RGS6: variants seen among roughly 807,000 people sequenced by gnomAD.
The protein encoded by RGS6 is regulator of G protein signaling 6, also known as regulator of G-protein signaling 6.
RGS6 carries 30 observed loss-of-function variants against 78.5 expected under a neutral mutation model. The observed-to-expected ratio is 0.38, with a 90% CI of 0.29 to 0.52. The LOEUF is 0.52. Ranked by LOEUF, RGS6 falls within the 20% of genes least tolerant of loss-of-function variation. The probability of loss-of-function intolerance (pLI) is 0.85; values close to 1 mark genes in which losing one functional copy is unlikely to be tolerated. For missense variants in RGS6, 495 were observed against 609.7 expected, an observed-to-expected ratio of 0.81 and a Z score of 1.98; for synonymous variants, 206 against 206.0, an observed-to-expected ratio of 1.00 and a Z score of 0.00.
At chr14:71,902,073 GAGAAAAAACCT>G in the RGS6 span, among the ~76,000 whole-genome samples, 345 of 61,252 alleles carry the variant, frequency 5.6e-3, 12 homozygotes, top group East Asian at 0.083. Flanking sequence ...ACATTCTGAG[GAGAAAAAACCT>G]GGAGAAAGAA....
the RGS6 span, among the ~76,000 whole-genome samples, chr14:71,912,063 C>T: frequency 6.6e-6 from 1 of 152,156 alleles, no homozygotes; most frequent in East Asian, 1.9e-4. Context: ...CGTAAGCAGC[C>T]TCTGTAAACC....
chr14:72,183,710 CAG>C (rs745474590), intron 2 of RGS6, among the ~76,000 whole-genome samples: 4 of 152,074 alleles, frequency 2.6e-5, no homozygotes, highest in Non-Finnish European at 5.9e-5. Context: ...AGTTTAAAAA[CAG>C]AGAAGAAGAA....
At chr14:72,142,506 A>G (rs1233665392) in intron 2 of RGS6, among the ~76,000 whole-genome samples, 1 of 152,166 alleles carries the variant, frequency 6.6e-6, no homozygotes, top group Admixed American at 6.5e-5. Context: ...GGGCCCTGAG[A>G]TCATTTGCAT....
chr14:71,995,225 A>G (rs113702832), intron 2 of RGS6, among the ~76,000 whole-genome samples: 118 of 152,162 alleles, frequency 7.8e-4, no homozygotes, highest in East Asian at 4.6e-3. Flanking sequence ...CTCATCCCCA[A>G]TTGAAAAAAA....
At chr14:72,533,707 A>C (rs1015210643) in intron 15 of RGS6, among the ~76,000 whole-genome samples, 4 of 152,258 alleles carry the variant, frequency 2.6e-5, no homozygotes, top group South Asian at 2.1e-4. Context: ...TGAGAAGTTC[A>C]AGATCCTAGT....
At chr14:72,277,139 G>C (rs1186420704) in intron 2 of RGS6, among the ~76,000 whole-genome samples, 7 of 152,192 alleles carry the variant, frequency 4.6e-5, no homozygotes. Flanking sequence ...GTGGTGGCAA[G>C]CTGGAAGGTT....
chr14:72,465,165 G>A (rs1240586508), intron 6 of RGS6, among the ~76,000 whole-genome samples: 2 of 152,206 alleles, frequency 1.3e-5, no homozygotes, highest in East Asian at 3.9e-4. Flanking sequence ...TGAGGGAGAA[G>A]AAGTTGATGA....
At chr14:72,582,588 A>C in the RGS6 span, among the ~76,000 whole-genome samples, 4 of 152,202 alleles carry the variant, frequency 2.6e-5, no homozygotes, top group Non-Finnish European at 4.4e-5. Context: ...CAAATGGAGT[A>C]CCTGTAGCTC....
intron 2 of RGS6, among the ~76,000 whole-genome samples, chr14:71,980,854 T>G (rs2094414439): frequency 1.0e-5 from 1 of 96,656 alleles, no homozygotes; most frequent in Admixed American, 1.1e-4. Context: ...TCCTGCAGAG[T>G]GTTTTCCAAC....
chr14:72,621,609 G>A, the RGS6 span, among the ~76,000 whole-genome samples: 1 of 152,186 alleles, frequency 6.6e-6, no homozygotes, highest in Admixed American at 6.5e-5. Context: ...TTGCAGTTTA[G>A]AAAGATCTTA....
At chr14:71,920,812 A>G in the RGS6 span, among the ~76,000 whole-genome samples, 2 of 152,244 alleles carry the variant, frequency 1.3e-5, no homozygotes, top group Non-Finnish European at 2.9e-5. Context: ...GATTTTTTAG[A>G]TATGACCCCA....
chr14:72,329,829 A>G (rs1189522340), intron 2 of RGS6, among the ~76,000 whole-genome samples: 1 of 152,132 alleles, frequency 6.6e-6, no homozygotes, highest in Non-Finnish European at 1.5e-5. Flanking sequence ...GACATGTGCA[A>G]CTGTCTCCTA....
intron 2 of RGS6, among the ~76,000 whole-genome samples, chr14:72,245,938 C>T (rs543059029): frequency 3.9e-4 from 59 of 152,262 alleles, no homozygotes; most frequent in Admixed American, 1.4e-3. Context: ...ATGTTATTTT[C>T]CTCCAGGCAT....
rs571000147 is a variant in RGS6 at position 72,101,995 on chromosome 14, G to A, written c.84+137120G>A. 4.6e-5 allele frequency among the ~76,000 whole-genome samples: 7 copies of A among 152,304 alleles called. No homozygotes were observed. In the South Asian group the frequency reaches 1.5e-3, roughly 32 times the overall value. On this transcript the variant is annotated intron_variant, in intron 2 of 17. Transcript: ENST00000553525. ...TACAATACTCAGGTTGAAGACAAGA[G>A]CAGCCGAGAAGGAGCTTTTGTAGGG... is the stretch of plus-strand genomic sequence containing the variant.
At chr14:72,024,000 A>G (rs10137125) in intron 2 of RGS6, among the ~76,000 whole-genome samples, 6,561 of 152,296 alleles carry the variant, frequency 0.043, 473 homozygotes, top group African/African-American at 0.15. Context: ...GCTCGCGACA[A>G]TGAGCTCATT....
At chr14:72,600,658 C>G in the RGS6 span, among the ~76,000 whole-genome samples, 1 of 152,030 alleles carries the variant, frequency 6.6e-6, no homozygotes, top group African/African-American at 2.4e-5. Context: ...GAAAGGCTAC[C>G]CAGGGATCTT....
intron 2 of RGS6, among the ~76,000 whole-genome samples, chr14:72,155,397 A>G (rs1364035914): frequency 6.6e-6 from 1 of 152,238 alleles, no homozygotes; most frequent in African/African-American, 2.4e-5. Context: ...TCAGAACTCA[A>G]GATGACCTTA....
At chr14:72,223,793 G>A (rs1328513971) in intron 2 of RGS6, among the ~76,000 whole-genome samples, 1 of 152,192 alleles carries the variant, frequency 6.6e-6, no homozygotes, top group Non-Finnish European at 1.5e-5. Flanking sequence ...CTCTACAAAT[G>A]GGGAGAAAAG....
chr14:72,514,457 G>T (rs1381335519), intron 14 of RGS6, among the ~76,000 whole-genome samples: 1 of 152,228 alleles, frequency 6.6e-6, no homozygotes, highest in Non-Finnish European at 1.5e-5. Context: ...TTCCTTGAAA[G>T]CCTCTAGGGA....
Sources: allele counts gnomAD v4.1 joint callset (sites outside exome capture counted in the v4.1 genomes callset), GRCh38; gene constraint gnomAD v4.1.1; transcripts MANE v1.5; gene names NCBI Gene and HGNC (gene_info 2026-07-23, HGNC 2026-07-21).